Variants in GSE1 observed in about 807,000 individuals in gnomAD.
The protein encoded by GSE1 is genetic suppressor element 1.
In GSE1, 32 loss-of-function variants were observed where a neutral mutation model predicts 112.6. The observed-to-expected ratio is 0.28, with a 90% confidence interval of 0.21 to 0.38. GSE1 has a LOEUF of 0.38. GSE1 is among the 10% of genes least tolerant of loss of function. The pLI is 1.00. For missense variants in GSE1, 2,348 were observed against 1,699.2 expected (o/e 1.38, Z -6.71); for synonymous variants, 1,115 against 735.6 (o/e 1.52, Z -8.35).
At chr16:85,670,156 G>A (rs1396587566) in intron 14 of GSE1, among the ~76,000 whole-genome samples, 2 of 152,200 alleles carry the variant, frequency 1.3e-5, no homozygotes, top group African/African-American at 4.8e-5. Context: ...GATTTTGGGG[G>A]TCTTTGGATT....
chr16:85,433,173 C>G (rs966007998), intron 2 of GSE1, among the ~76,000 whole-genome samples: 1 of 151,982 alleles, frequency 6.6e-6, no homozygotes, highest in Admixed American at 6.6e-5. Flanking sequence ...AGTGATGCAA[C>G]CAGCCTTGGG....
chr16:85,579,802 C>T (rs1051913482), intron 1 of GSE1, among the ~76,000 whole-genome samples: 2 of 152,170 alleles, frequency 1.3e-5, no homozygotes, highest in African/African-American at 4.8e-5. Context: ...CCTGAAAGAT[C>T]GTCTAGGCTT....
chr16:85,212,395 G>A (rs2075241272), intron 1 of GSE1, among the ~76,000 whole-genome samples: 1 of 151,926 alleles, frequency 6.6e-6, no homozygotes, highest in Non-Finnish European at 1.5e-5. Context: ...GACAGAGCAA[G>A]ACTAGGTCTC....
Position 85,491,548 on chromosome 16 carries a change from G to A in GSE1, c.2464+133905G>A, listed in dbSNP as rs533666602. Among the ~76,000 whole-genome samples, 11 of 152,336 alleles carry A rather than the reference G, an allele frequency of 7.2e-5. No homozygotes were observed. In the East Asian group the frequency reaches 7.7e-4, roughly 11 times the overall value. On this transcript the variant is annotated intron_variant, in intron 2 of 2. Transcript: ENST00000637419. The stretch of plus-strand genomic sequence containing the variant: ...TGCCCTCTGGCAGGGGTGCTGGGGC[G>A]CAGGGAGGCCTGGCCTGTGGGCAAG...
intron 2 of GSE1, among the ~76,000 whole-genome samples, chr16:85,514,947 G>A (rs987737287): frequency 1.3e-5 from 2 of 152,200 alleles, no homozygotes; most frequent in East Asian, 3.8e-4. Flanking sequence ...TTGTGTGTTT[G>A]CCTATGAGTG....
intron 1 of GSE1, among the ~76,000 whole-genome samples, chr16:85,263,762 A>G (rs1907952413): frequency 6.6e-6 from 1 of 152,140 alleles, no homozygotes; most frequent in Non-Finnish European, 1.5e-5. Flanking sequence ...TAGTAGAGAC[A>G]GGGTTTCACC....
chr16:85,421,220 G>A (rs2048836772), intron 2 of GSE1, among the ~76,000 whole-genome samples: 1 of 152,078 alleles, frequency 6.6e-6, no homozygotes, highest in South Asian at 2.1e-4. Flanking sequence ...CTCCTGGACG[G>A]GGACCCCCGC....
intron 1 of GSE1, among the ~76,000 whole-genome samples, chr16:85,613,748 C>T (rs1015261123): frequency 1.4e-5 from 2 of 147,032 alleles, no homozygotes; most frequent in African/African-American, 5.0e-5. Context: ...CCGAGAGCTG[C>T]GGGCGCTGGA....
intron 2 of GSE1, among the ~76,000 whole-genome samples, chr16:85,545,943 C>T (rs1450529410): frequency 1.3e-5 from 2 of 151,850 alleles, no homozygotes; most frequent in African/African-American, 4.8e-5. Context: ...CCACCACACT[C>T]GGCTAATTGT....
intron 2 of GSE1, among the ~76,000 whole-genome samples, chr16:85,488,900 C>T (rs1017944503): frequency 3.9e-5 from 6 of 152,018 alleles, no homozygotes; most frequent in Non-Finnish European, 7.4e-5. Flanking sequence ...ATTCTAACAG[C>T]CCCCCGGGGG....
intron 2 of GSE1, among the ~76,000 whole-genome samples, chr16:85,480,236 C>G (rs1315912477): frequency 6.6e-6 from 1 of 152,250 alleles, no homozygotes; most frequent in Non-Finnish European, 1.5e-5. Flanking sequence ...ACAGCGTGAC[C>G]CTGACATTGT....
chr16:85,523,226 CCT>C (rs1190631596), intron 2 of GSE1, among the ~76,000 whole-genome samples: 6 of 144,054 alleles, frequency 4.2e-5, no homozygotes, highest in Non-Finnish European at 9.1e-5. Flanking sequence ...CTGTGTGTCC[CCT>C]GTGTGTTGTG....
rs571484819 is a variant in GSE1, at chr16:85,380,768, C to G, written c.2464+23125C>G. On this transcript the variant is annotated intron_variant, in intron 2 of 2. Coordinates refer to the GSE1 transcript ENST00000637419. ...CAAGCCGCAATCCATCATCCAGCCT[C>G]GCAAACAGCCCTCCGCTGCTCCTCC... is the stretch of plus-strand genomic sequence containing the variant. Among the ~76,000 whole-genome samples the G allele has an allele frequency of 2.6e-5, 4 of 152,296 alleles. No individual in the cohort carries two copies. The South Asian group carries it at 8.3e-4, about 32-fold the overall frequency.
rs534036680 is a variant in GSE1, at chr16:85,595,977, C to T, written c.37+39614C>T. On this transcript the variant is annotated intron_variant, in intron 1 of 2. Coordinates refer to the GSE1 transcript ENST00000635906. ...CCGCCCTCCCACCCATTCCTCTATCCACCCACTCATTCCTCCATCCGCCCA... is the reference window on the plus strand; with the variant it reads ...CCGCCCTCCCACCCATTCCTCTATCTACCCACTCATTCCTCCATCCGCCCA... 4.2e-4 allele frequency among the ~76,000 whole-genome samples: 58 copies of T among 136,572 alleles called. 1 individual carries two copies. The South Asian group carries it at 0.015, about 36-fold the overall frequency. 89.6% of individuals were successfully genotyped at this position (136,572 alleles called of 152,430 possible). A position where few individuals can be genotyped will look rare whatever the true frequency, so the allele number is the denominator to read the frequency against.
intron 1 of GSE1, among the ~76,000 whole-genome samples, chr16:85,291,507 A>T (rs2045210582): frequency 6.6e-6 from 1 of 152,100 alleles, no homozygotes; most frequent in African/African-American, 2.4e-5. Context: ...CTGGTGTCCC[A>T]TGGGGTCGAA....
At chr16:85,456,209 G>C (rs1567501632) in intron 2 of GSE1, among the ~76,000 whole-genome samples, 1 of 152,218 alleles carries the variant, frequency 6.6e-6, no homozygotes, top group Admixed American at 6.5e-5. Flanking sequence ...CTGGTATATT[G>C]TCGTGGGGTG....
intron 1 of GSE1, among the ~76,000 whole-genome samples, chr16:85,219,521 C>T (rs1019799558): frequency 6.6e-6 from 1 of 152,124 alleles, no homozygotes; most frequent in Non-Finnish European, 1.5e-5. Context: ...TCTTGGACCA[C>T]CTTGCACTCT....
intron 2 of GSE1, among the ~76,000 whole-genome samples, chr16:85,479,188 A>ATTTT (rs59825091): frequency 0.064 from 5,289 of 82,282 alleles, 692 homozygotes; most frequent in African/African-American, 0.15. Flanking sequence ...TGCCCGGCTA[A>ATTTT]TTTTTTTTTT....
chr16:85,237,919 C>T (rs935891520), intron 1 of GSE1, among the ~76,000 whole-genome samples: 38 of 152,176 alleles, frequency 2.5e-4, no homozygotes, highest in African/African-American at 9.2e-4. Context: ...CTGCTCCAAC[C>T]CCAGCGTCAT....
Sources: allele counts gnomAD v4.1 joint callset (sites outside exome capture counted in the v4.1 genomes callset), GRCh38; gene constraint gnomAD v4.1.1; transcripts MANE v1.5; gene names NCBI Gene and HGNC (gene_info 2026-07-23, HGNC 2026-07-21).